Variants in ZFYVE26 observed in about 807,000 individuals in gnomAD.
ZFYVE26 encodes zinc finger FYVE-type containing 26.
ZFYVE26 carries 181 observed loss-of-function variants against 276.5 expected under a neutral mutation model. The ratio of observed to expected loss-of-function variants is 0.65; its 90% confidence interval spans 0.58 to 0.74. The LOEUF (loss-of-function observed/expected upper bound fraction) is 0.74, where lower values mean the gene tolerates loss of function less well. Ranked by LOEUF, ZFYVE26 falls within the 30% of genes least tolerant of loss-of-function variation. The pLI is 0.00. For synonymous variants in ZFYVE26, 1,129 were observed against 1,203.1 expected, an observed-to-expected ratio of 0.94 and a Z score of 1.27; for missense variants, 2,821 against 3,097.9, an observed-to-expected ratio of 0.91 and a Z score of 2.12.
chr14:67,813,932 T>G, intron 3 of ZFYVE26, 54 bp downstream of exon 3: 1 of 1,276,286 alleles, frequency 7.8e-7, no homozygotes, highest in Non-Finnish European at 1.1e-6. Flanking sequence ...ACAACTACTT[T>G]CAAGTTCTTC....
intron 35 of ZFYVE26, among the ~76,000 whole-genome samples, chr14:67,758,186 T>G (rs978400836): frequency 6.6e-6 from 1 of 152,144 alleles, no homozygotes; most frequent in Non-Finnish European, 1.5e-5. Flanking sequence ...GCACAAGCTG[T>G]TTGGAAGCAG....
chr14:67,814,651 C>A (rs749377286), intron 2 of ZFYVE26, among the ~76,000 whole-genome samples: 2 of 152,082 alleles, frequency 1.3e-5, no homozygotes, highest in Non-Finnish European at 2.9e-5. Flanking sequence ...TTCGAGAAAA[C>A]CATAATAGCT....
intron 31 of ZFYVE26, 25 bp from the exon 32 acceptor site, chr14:67,766,472 A>G: frequency 6.2e-7 from 1 of 1,607,822 alleles, no homozygotes; most frequent in Non-Finnish European, 8.5e-7. Flanking sequence ...AGAAGGGAGA[A>G]CACACGGTGA....
intron 6 of ZFYVE26, 102 bp from the exon 7 acceptor site, chr14:67,805,720 A>T: frequency 7.2e-7 from 1 of 1,386,354 alleles, no homozygotes; most frequent in Non-Finnish European, 1.0e-6. Flanking sequence ...TACAGCAGGG[A>T]GATTTCTGAC....
intron 9 of ZFYVE26, among the ~76,000 whole-genome samples, chr14:67,802,794 C>A (rs1853612358): frequency 6.6e-6 from 1 of 151,662 alleles, no homozygotes; most frequent in African/African-American, 2.4e-5. Flanking sequence ...AAAAAAAAAA[C>A]ATGGAATGTA....
chr14:67,737,625 C>G (rs549582863), intron 13 of ZFYVE26, among the ~76,000 whole-genome samples: 4 of 152,264 alleles, frequency 2.6e-5, no homozygotes, highest in African/African-American at 9.6e-5. Context: ...AGGAGGGAAT[C>G]TGGGTGGTGC....
rs946599979 is a variant in ZFYVE26 at position 67,793,641 on chromosome 14, G to A, written c.2520C>T (p.Cys840=). ...FSPPESLLAS[C]ILRGNFAEAH... is the part of the protein sequence containing the mutation. ...CTTCTGCGAAGTTCCCGCGAAGGAT[G>A]CAGGATGCCAGCAGTGACTCAGGTG... Residue 840 remains cysteine, a synonymous_variant, in exon 14 of 42, where the codon TGC becomes TGT. Transcript: ENST00000347230. The A allele has an allele frequency of 6.2e-7, 1 of 1,613,824 alleles. No homozygotes were observed. The highest frequency in any genetic ancestry group is 8.5e-7 in the Non-Finnish European group (1 of 1,179,842).
intron 17 of ZFYVE26, 27 bp from the exon 18 acceptor site, chr14:67,786,049 A>T: frequency 6.2e-7 from 1 of 1,614,172 alleles, no homozygotes; most frequent in Non-Finnish European, 8.5e-7. Context: ...AGAAAGAAAA[A>T]GTAAAGTCTG....
In ZFYVE26 at chr14:67,735,118, A is replaced by G. The variant is rs549444929; in HGVS notation, n.2680-5299T>C. On this transcript the variant is annotated intron_variant and non_coding_transcript_variant, in intron 13 of 14. Transcript: ENST00000394455. ...GCAGCAAAGAATGCAAAAGAAAACA[A>G]TGATAGGCATGGGTGTTGATTCGAC... The G allele has an allele frequency of 1.0e-4, 79 of 792,316 alleles. 1 individual carries two copies. Among genetic ancestry groups the G allele is most frequent in the South Asian group, 8.5e-4 (63 of 74,144 alleles). 49.1% of individuals were successfully genotyped at this position (792,316 alleles called of 1,614,324 possible). A position where few individuals can be genotyped will look rare whatever the true frequency, so the allele number is the denominator to read the frequency against.
chr14:67,815,090 T>C (rs1394428527), intron 2 of ZFYVE26, among the ~76,000 whole-genome samples: 1 of 151,558 alleles, frequency 6.6e-6, no homozygotes, highest in East Asian at 1.9e-4. Context: ...CACCAAGGAG[T>C]GAGGGAATTC....
chr14:67,754,949 T>C, intron 37 of ZFYVE26, 102 bp downstream of exon 37: 1 of 1,345,084 alleles, frequency 7.4e-7, no homozygotes, highest in East Asian at 2.3e-5. Context: ...TTTAGATTTT[T>C]TTTCAGGATT....
intron 23 of ZFYVE26, among the ~76,000 whole-genome samples, chr14:67,779,760 A>G (rs1048596300): frequency 4.6e-5 from 7 of 152,234 alleles, no homozygotes; most frequent in Non-Finnish European, 1.0e-4. Context: ...TACACAATGT[A>G]GAAAATCTCA....
intron 12 of ZFYVE26, chr14:67,796,975 AAATAAAACGGGAAAAATAATAAGACC>A (rs2039966312): frequency 6.6e-6 from 1 of 152,258 alleles, no homozygotes; most frequent in African/African-American, 2.4e-5. Context: ...AAGGAAATAA[AAATAAAACGGGAAAAATAATAAGACC>A]TACTTCATAG....
chr14:67,799,084 G>A, intron 10 of ZFYVE26: 3 of 1,207,388 alleles, frequency 2.5e-6, no homozygotes, highest in Non-Finnish European at 3.7e-6. Flanking sequence ...CAGTGGACGA[G>A]GACTCTCCAG....
rs1309567799 is a variant in ZFYVE26, at chr14:67,798,351, G to A, written c.1911C>T (p.Val637=). The change falls in exon 11 of 42, where the codon GTC becomes GTT. Residue 637 remains valine (V), a synonymous_variant. Transcript: ENST00000347230. ...ERKSERGSLG[V]PKTLAYTMPS... is the part of the protein sequence containing the mutation. ...GCATTGTATAAGCAAGGGTCTTTGG[G>A]ACTCCCAGGGAACCCCGTTCTGACT... The A allele has an allele frequency of 6.2e-7, 1 of 1,610,442 alleles. No homozygotes were observed. Among genetic ancestry groups the A allele is most frequent in the East Asian group, 2.2e-5 (1 of 44,842 alleles).
intron 13 of ZFYVE26, among the ~76,000 whole-genome samples, chr14:67,732,859 G>A (rs1467564340): frequency 6.6e-6 from 1 of 152,184 alleles, no homozygotes; most frequent in Non-Finnish European, 1.5e-5. Flanking sequence ...GGGATTACAG[G>A]TGTGAGCCAC....
In ZFYVE26 at chr14:67,798,424, A is replaced by T; in HGVS notation, c.1838T>A (p.Leu613Ter). The T allele has an allele frequency of 6.2e-7, 1 of 1,613,718 alleles. No individual in the cohort carries two copies. Among genetic ancestry groups the T allele is most frequent in the South Asian group, 1.1e-5 (1 of 91,080 alleles). The change falls in exon 11 of 42, where the codon TTG becomes TAG. Residue 613 changes from leucine to a stop codon, truncating the protein, a stop_gained. Transcript: ENST00000347230. LOFTEE classifies it high-confidence loss of function. ...DDIEGKSPSGLRSPSESPQHI... is the reference protein window; with the variant it reads ...DDIEGKSPSG Reference sequence around the variant, plus strand: ...CTGAGGGCTCTCTGATGGGGACCTCAAACCTGAGGGGCTCTTCCCCTCAAT... The same window carrying T: ...CTGAGGGCTCTCTGATGGGGACCTCTAACCTGAGGGGCTCTTCCCCTCAAT...
intron 35 of ZFYVE26, 178 bp from the exon 36 acceptor site, chr14:67,756,323 C>T: frequency 4.2e-6 from 3 of 709,774 alleles, no homozygotes; most frequent in Non-Finnish European, 7.3e-6. Flanking sequence ...TGCTTCACTT[C>T]TCTCCTTCCT....
In ZFYVE26 at chr14:67,780,302, G is replaced by A. The variant is rs755513297; in HGVS notation, c.4613C>T (p.Thr1538Ile). The stretch of plus-strand genomic sequence containing the variant: ...GTCCTCAACACAACAGCTCCTCAAG[G>A]TCTGCCAGTCACACCACACTGGGGG... Reference protein sequence around the residue: ...QSPPVWCDWQTLRSCCVEDPS... With the variant: ...QSPPVWCDWQILRSCCVEDPS... The change falls in exon 23 of 42, where the codon ACC (threonine) becomes ATC (isoleucine). Residue 1538 changes from threonine (T) to isoleucine (I), a missense_variant. Coordinates refer to ENST00000347230, the MANE Select transcript of ZFYVE26 (RefSeq NM_015346.4). 6.2e-7 allele frequency: 1 copy of A among 1,613,884 alleles called. No individual in the cohort carries two copies. The highest frequency in any genetic ancestry group is 8.5e-7 in the Non-Finnish European group (1 of 1,179,990).
Sources: allele counts gnomAD v4.1 joint callset (sites outside exome capture counted in the v4.1 genomes callset), GRCh38; gene constraint gnomAD v4.1.1; transcripts MANE v1.5; gene names NCBI Gene and HGNC (gene_info 2026-07-23, HGNC 2026-07-21).